The following UNC5C variants were observed in gnomAD, a reference collection of about 807,000 sequenced individuals.
UNC5C encodes the protein netrin receptor UNC5C.
A neutral mutation model predicts 99.8 loss-of-function variants in UNC5C; 47 were observed. The ratio of observed to expected loss-of-function variants is 0.47; its 90% CI spans 0.37 to 0.60. UNC5C has a LOEUF of 0.60. Ranked by LOEUF, UNC5C falls within the 20% of genes least tolerant of loss-of-function variation. The pLI is 0.00. For synonymous variants in UNC5C, 487 were observed against 452.2 expected (o/e 1.08, Z -0.98); for missense variants, 1,062 against 1,165.9 (o/e 0.91, Z 1.30).
At chr4:95,209,406 A>G (rs1164104130) in intron 10 of UNC5C, among the ~76,000 whole-genome samples, 1 of 152,174 alleles carries the variant, frequency 6.6e-6, no homozygotes, top group African/African-American at 2.4e-5. Context: ...GTTCCCCTTA[A>G]TAACTCTTGG....
chr4:95,320,422 C>CAAAAAAAA (rs34842898), intron 2 of UNC5C, among the ~76,000 whole-genome samples: 1 of 94,996 alleles, frequency 1.1e-5, no homozygotes, highest in Non-Finnish European at 2.1e-5. Context: ...AATTCCATCT[C>CAAAAAAAA]AAAAAAAAAA....
At chr4:95,424,733 C>T (rs1218255815) in intron 1 of UNC5C, among the ~76,000 whole-genome samples, 1 of 151,758 alleles carries the variant, frequency 6.6e-6, no homozygotes, top group African/African-American at 2.4e-5. Context: ...CTGTGTTAGC[C>T]AGGATGGTCT....
At chr4:95,394,866 C>A (rs1204750515) in intron 1 of UNC5C, among the ~76,000 whole-genome samples, 2 of 152,096 alleles carry the variant, frequency 1.3e-5, no homozygotes, top group East Asian at 3.9e-4. Context: ...CTATCTCTGA[C>A]ACCAAAAACA....
chr4:95,377,292 G>A (rs1374760548), intron 1 of UNC5C, among the ~76,000 whole-genome samples: 5 of 152,092 alleles, frequency 3.3e-5, no homozygotes, highest in African/African-American at 1.2e-4. Context: ...TTCAACATTT[G>A]CTTTGCTAAT....
intron 1 of UNC5C, among the ~76,000 whole-genome samples, chr4:95,418,068 T>A (rs574904116): frequency 2.0e-4 from 30 of 152,312 alleles, no homozygotes; most frequent in Admixed American, 6.5e-4. Flanking sequence ...GGTGTGATAG[T>A]AGGTTAGCGA....
Position 95,335,518 on chromosome 4 carries a change from T to C in UNC5C, c.238A>G (p.Asn80Asp). 1 of 1,612,528 alleles carries C rather than the reference T, an allele frequency of 6.2e-7. No homozygotes were observed. Among genetic ancestry groups the C allele is most frequent in the Non-Finnish European group, 8.5e-7 (1 of 1,178,996 alleles). Residue 80 changes from asparagine to aspartate, a missense_variant, in exon 2 of 16, where the codon AAC (asparagine) becomes GAC (aspartate). Transcript: ENST00000453304. ...GCAGGGCTTGCTTTACAGTACAGGT[T>C]CACGGGCTTATTCTTCACAATATAA... ...EAYIVKNKPVNLYCKASPATQ... is the reference protein window; with the variant it reads ...EAYIVKNKPVDLYCKASPATQ...
intron 6 of UNC5C, among the ~76,000 whole-genome samples, chr4:95,243,080 A>G (rs1005297554): frequency 6.6e-6 from 1 of 152,176 alleles, no homozygotes; most frequent in Non-Finnish European, 1.5e-5. Context: ...CAGTTGGTAT[A>G]TATCTATTTA....
At chr4:95,483,350 CTT>C (rs915019369) in intron 1 of UNC5C, among the ~76,000 whole-genome samples, 5 of 151,686 alleles carry the variant, frequency 3.3e-5, no homozygotes, top group Non-Finnish European at 7.4e-5. Context: ...ATCTTTAACT[CTT>C]TCTCTTTATT....
chr4:95,495,643 G>A (rs1438614293), intron 1 of UNC5C, among the ~76,000 whole-genome samples: 1 of 151,648 alleles, frequency 6.6e-6, no homozygotes, highest in Non-Finnish European at 1.5e-5. Flanking sequence ...TGGATAAGGA[G>A]CCAAGGCTTC....
At chr4:95,543,154 G>A (rs1485146486) in intron 1 of UNC5C, among the ~76,000 whole-genome samples, 1 of 151,962 alleles carries the variant, frequency 6.6e-6, no homozygotes, top group African/African-American at 2.4e-5. Flanking sequence ...ACAAATCCAA[G>A]TAAGAAATGA....
intron 7 of UNC5C, among the ~76,000 whole-genome samples, chr4:95,234,459 G>C (rs193129048): frequency 6.6e-6 from 1 of 151,626 alleles, no homozygotes; most frequent in South Asian, 2.1e-4. Flanking sequence ...CATGTGCCAC[G>C]TTCGTGTGCT....
chr4:95,418,374 G>A (rs1049454227), intron 1 of UNC5C, among the ~76,000 whole-genome samples: 1 of 152,120 alleles, frequency 6.6e-6, no homozygotes, highest in Non-Finnish European at 1.5e-5. Flanking sequence ...TTGATTCATT[G>A]ACAATTTTTG....
At chr4:95,293,263 G>A (rs921497713) in intron 3 of UNC5C, among the ~76,000 whole-genome samples, 1 of 100,528 alleles carries the variant, frequency 9.9e-6, no homozygotes, top group African/African-American at 3.8e-5. Context: ...GCCAAGGTCT[G>A]TTTATGTTTC....
At position 95,311,271 on chromosome 4, in the gene UNC5C, G is replaced by T. The variant is rs182076967; in HGVS notation, c.347-9522C>A. The stretch of plus-strand genomic sequence containing the variant: ...GCTTTCTGTAATTAACTTATGCCTT[G>T]TGTGTCAATATTCTTTGGAATATAA... On this transcript the variant is annotated intron_variant, in intron 2 of 15. Transcript: ENST00000453304. 8.3e-3 allele frequency among the ~76,000 whole-genome samples: 1,265 copies of T among 152,130 alleles called. 17 individuals are homozygous for T. Among genetic ancestry groups the T allele is most frequent in the African/African-American group, 0.028 (1,156 of 41,494 alleles).
chr4:95,220,988 G>T (rs1458311386), intron 7 of UNC5C, among the ~76,000 whole-genome samples: 1 of 152,170 alleles, frequency 6.6e-6, no homozygotes. Context: ...GACTACCCCA[G>T]AAGGCAAATA....
chr4:95,508,709 CAA>C lies in UNC5C; in HGVS notation c.124+40023_124+40024del, dbSNP rs1438937574. Among the ~76,000 whole-genome samples, 4 of 151,842 alleles carry C rather than the reference CAA, an allele frequency of 2.6e-5. No individual in the cohort carries two copies. In the East Asian group the frequency reaches 7.7e-4, roughly 29 times the overall value. ...AACCAGATCAGCATTTGGTATTGGT[CAA>C]AGTTTCTAGAAAAAGGAATCCTCAA... On this transcript the variant is annotated intron_variant, in intron 1 of 15. Transcript: ENST00000453304.
intron 10 of UNC5C, among the ~76,000 whole-genome samples, chr4:95,207,518 A>G (rs971921748): frequency 2.0e-5 from 3 of 152,188 alleles, no homozygotes; most frequent in Admixed American, 1.3e-4. Context: ...GGATAAATTA[A>G]CCTAGCCTAT....
chr4:95,396,459 T>C (rs1745512685), intron 1 of UNC5C, among the ~76,000 whole-genome samples: 1 of 152,130 alleles, frequency 6.6e-6, no homozygotes, highest in Non-Finnish European at 1.5e-5. Context: ...GCAATGATGA[T>C]GATGATGTTG....
chr4:95,473,906 C>T (rs1001718552), intron 1 of UNC5C, among the ~76,000 whole-genome samples: 2 of 152,194 alleles, frequency 1.3e-5, no homozygotes, highest in African/African-American at 4.8e-5. Context: ...CACCTGATTT[C>T]AAGGTCCAAA....
Sources: allele counts gnomAD v4.1 joint callset (sites outside exome capture counted in the v4.1 genomes callset), GRCh38; gene constraint gnomAD v4.1.1; transcripts MANE v1.5; gene names NCBI Gene and HGNC (gene_info 2026-07-23, HGNC 2026-07-21).